The following OPCML variants were observed in gnomAD, a reference collection of about 807,000 sequenced individuals.
The protein encoded by OPCML is opioid-binding protein/cell adhesion molecule.
OPCML carries 13 observed loss-of-function variants against 37.8 expected under a neutral mutation model. The ratio of observed to expected loss-of-function variants is 0.34; its 90% confidence interval spans 0.22 to 0.55. The LOEUF (loss-of-function observed/expected upper bound fraction) is 0.55. Among genes scored for constraint, OPCML ranks in the 20% least tolerant of loss-of-function variants. The pLI is 0.91. For synonymous variants in OPCML, 176 were observed against 168.8 expected (o/e 1.04, Z -0.33); for missense variants, 341 against 435.6 (o/e 0.78, Z 1.93).
chr11:132,444,307 T>A (rs538851419), intron 4 of OPCML, among the ~76,000 whole-genome samples: 30 of 152,238 alleles, frequency 2.0e-4, no homozygotes, highest in Middle Eastern at 3.4e-3. Flanking sequence ...CCTGTGAGGG[T>A]TATGAATAGG....
chr11:133,271,793 C>A (rs1280936213), intron 1 of OPCML, among the ~76,000 whole-genome samples: 2 of 152,178 alleles, frequency 1.3e-5, no homozygotes, highest in Non-Finnish European at 2.9e-5. Flanking sequence ...AGCATTGAAT[C>A]CAAAATGACT....
chr11:132,515,019 G>A (rs1048387240), intron 4 of OPCML, among the ~76,000 whole-genome samples: 3 of 152,180 alleles, frequency 2.0e-5, no homozygotes, highest in African/African-American at 7.2e-5. Context: ...AGGTCCTGGA[G>A]AGGCCCAGGA....
At chr11:133,321,971 G>A (rs1412658444) in intron 1 of OPCML, among the ~76,000 whole-genome samples, 1 of 152,114 alleles carries the variant, frequency 6.6e-6, no homozygotes, top group African/African-American at 2.4e-5. Flanking sequence ...GAAGTCTTCT[G>A]CTGAAAAATA....
chr11:133,531,366 G>C (rs937214777), intron 1 of OPCML, among the ~76,000 whole-genome samples: 15 of 152,208 alleles, frequency 9.9e-5, no homozygotes, highest in African/African-American at 3.6e-4. Context: ...AATAACTGCT[G>C]TGAGAGGTGG....
At chr11:133,306,369 G>A (rs1942917243) in intron 1 of OPCML, among the ~76,000 whole-genome samples, 1 of 152,142 alleles carries the variant, frequency 6.6e-6, no homozygotes, top group Admixed American at 6.5e-5. Context: ...CAATGACAAT[G>A]TCATAACCAA....
intron 2 of OPCML, among the ~76,000 whole-genome samples, chr11:132,830,602 C>T (rs573002728): frequency 6.6e-6 from 1 of 152,284 alleles, no homozygotes; most frequent in East Asian, 1.9e-4. Context: ...TCATAATGCC[C>T]AATTACAGAC....
intron 2 of OPCML, among the ~76,000 whole-genome samples, chr11:132,689,200 G>T (rs1414215510): frequency 1.3e-5 from 2 of 152,110 alleles, no homozygotes; most frequent in Non-Finnish European, 2.9e-5. Flanking sequence ...ATTCAATAAT[G>T]TCATCTAAAT....
At position 132,628,698 on chromosome 11, in the gene OPCML, A is replaced by G. The variant is rs1002572727; in HGVS notation, c.379+28389T>C. Among the ~76,000 whole-genome samples the G allele has an allele frequency of 3.9e-5, 6 of 152,106 alleles. 1 individual carries two copies. The highest frequency in any genetic ancestry group is 3.9e-4 in the Admixed American group (6 of 15,272). On this transcript the variant is annotated intron_variant, in intron 3 of 7. Transcript: ENST00000524381. ...TGTCCCCAGCCAAATCTCATCTTGA[A>G]TTGTAGTTCTCATAATCCCCACGTG...
chr11:133,194,162 C>T (rs11223386), intron 1 of OPCML, among the ~76,000 whole-genome samples: 20,505 of 150,874 alleles, frequency 0.14, 1,612 homozygotes, highest in Middle Eastern at 0.19. Context: ...TCATTGAAGC[C>T]GATGGCCATT....
chr11:132,903,782 A>G (rs1944142962), intron 2 of OPCML, among the ~76,000 whole-genome samples: 1 of 152,202 alleles, frequency 6.6e-6, no homozygotes, highest in African/African-American at 2.4e-5. Context: ...AATGCTCCTC[A>G]CTAACCTTTC....
At chr11:133,226,539 G>T (rs956931996) in intron 1 of OPCML, among the ~76,000 whole-genome samples, 3 of 152,180 alleles carry the variant, frequency 2.0e-5, no homozygotes, top group African/African-American at 7.2e-5. Flanking sequence ...CCTAAATGAT[G>T]ACCTGAAGGC....
intron 1 of OPCML, among the ~76,000 whole-genome samples, chr11:133,289,900 A>T (rs1942427070): frequency 6.6e-6 from 1 of 152,046 alleles, no homozygotes; most frequent in Non-Finnish European, 1.5e-5. Flanking sequence ...GTGCTGGGGG[A>T]TTAACGTCCA....
At chr11:133,295,394 C>T (rs1942604644) in intron 1 of OPCML, among the ~76,000 whole-genome samples, 1 of 152,096 alleles carries the variant, frequency 6.6e-6, no homozygotes. Flanking sequence ...GGCTGGCATT[C>T]CAGGCTTTAC....
chr11:133,305,178 G>GATAA (rs1192727351), intron 1 of OPCML, among the ~76,000 whole-genome samples: 2 of 152,180 alleles, frequency 1.3e-5, no homozygotes, highest in East Asian at 1.9e-4. Context: ...GATGTTGTGA[G>GATAA]TATTACATAA....
At chr11:133,054,686 C>T (rs535323093) in intron 1 of OPCML, among the ~76,000 whole-genome samples, 1 of 152,346 alleles carries the variant, frequency 6.6e-6, no homozygotes, top group Admixed American at 6.5e-5. Flanking sequence ...TCTGCTCTCT[C>T]CTCATAAAGC....
At chr11:133,396,310 T>C (rs1945285227) in intron 1 of OPCML, among the ~76,000 whole-genome samples, 1 of 152,208 alleles carries the variant, frequency 6.6e-6, no homozygotes, top group African/African-American at 2.4e-5. Flanking sequence ...GCAGAGTCTT[T>C]AGCTTTTACC....
chr11:132,438,793 G>A (rs2096021944), intron 4 of OPCML, among the ~76,000 whole-genome samples: 2 of 151,942 alleles, frequency 1.3e-5, no homozygotes, highest in African/African-American at 4.8e-5. Flanking sequence ...GGTGGGCTTG[G>A]GTATAGGGGG....
chr11:133,447,103 T>C (rs1409275600), intron 1 of OPCML, among the ~76,000 whole-genome samples: 1 of 152,214 alleles, frequency 6.6e-6, no homozygotes, highest in Non-Finnish European at 1.5e-5. Context: ...AAAGTGTTTA[T>C]TAAACTGCCA....
At chr11:133,134,357 A>G (rs985394564) in intron 1 of OPCML, among the ~76,000 whole-genome samples, 1 of 152,126 alleles carries the variant, frequency 6.6e-6, no homozygotes, top group Non-Finnish European at 1.5e-5. Context: ...AATAGAAGGG[A>G]GTTCTTCAGT....
Sources: gnomAD v4.1 joint callset for allele counts (sites outside exome capture counted in the v4.1 genomes callset) on GRCh38, gnomAD v4.1.1 for gene constraint, MANE v1.5 for transcripts, NCBI Gene and HGNC (gene_info 2026-07-23, HGNC 2026-07-21) for gene names.